Variants in ARL15 observed in about 807,000 individuals in gnomAD.
The protein encoded by ARL15 is ADP-ribosylation factor-like protein 15.
In ARL15, 19 loss-of-function variants were observed where a neutral mutation model predicts 25.2. That is an observed-to-expected ratio of 0.75 (90% confidence interval 0.53 to 1.10). The LOEUF is 1.10. ARL15 is among the 50% of genes least tolerant of loss of function. ARL15 has a pLI of 0.00. For synonymous variants in ARL15, 94 were observed against 86.8 expected (o/e 1.08, Z -0.46); for missense variants, 220 against 246.0 (o/e 0.89, Z 0.71).
chr5:54,110,978 A>G (rs1031971321), intron 4 of ARL15, among the ~76,000 whole-genome samples: 1 of 152,060 alleles, frequency 6.6e-6, no homozygotes, highest in African/African-American at 2.4e-5. Flanking sequence ...GGAAAAATCT[A>G]GGATATATCC....
chr5:53,949,413 G>T (rs1746871359), intron 4 of ARL15, among the ~76,000 whole-genome samples: 1 of 152,162 alleles, frequency 6.6e-6, no homozygotes, highest in Non-Finnish European at 1.5e-5. Flanking sequence ...CTAAAAAGTT[G>T]CTGTGTTTAA....
At chr5:54,168,611 C>A (rs907046957) in intron 2 of ARL15, among the ~76,000 whole-genome samples, 2 of 151,996 alleles carry the variant, frequency 1.3e-5, no homozygotes, top group African/African-American at 4.8e-5. Flanking sequence ...TAGATCCCAA[C>A]ATCCCCTAAA....
intron 4 of ARL15, among the ~76,000 whole-genome samples, chr5:54,004,092 C>T (rs1748939745): frequency 6.6e-6 from 1 of 152,214 alleles, no homozygotes; most frequent in South Asian, 2.1e-4. Context: ...TCCTTGCCAT[C>T]GCTTTGCCAC....
intron 4 of ARL15, among the ~76,000 whole-genome samples, chr5:54,055,734 TTC>T (rs1750849334): frequency 6.6e-6 from 1 of 152,148 alleles, no homozygotes; most frequent in African/African-American, 2.4e-5. Flanking sequence ...ATCCAGTTTC[TTC>T]TGTCATTGCT....
intron 4 of ARL15, among the ~76,000 whole-genome samples, chr5:54,107,753 T>A (rs1264597177): frequency 6.6e-6 from 1 of 152,180 alleles, no homozygotes; most frequent in East Asian, 1.9e-4. Context: ...AAAGAGAACA[T>A]AATAAATTAC....
chr5:54,118,768 A>C (rs911848168), intron 3 of ARL15, among the ~76,000 whole-genome samples: 1 of 152,188 alleles, frequency 6.6e-6, no homozygotes, highest in Non-Finnish European at 1.5e-5. Context: ...CCCAGTGATC[A>C]GATACTTGAA....
chr5:54,171,974 G>T (rs1216078985), intron 1 of ARL15, 46 bp from the exon 2 acceptor site: 2 of 1,589,312 alleles, frequency 1.3e-6, no homozygotes, highest in Admixed American at 1.7e-5. Context: ...TGACAGTATG[G>T]AAATAAACCA....
intron 1 of ARL15, among the ~76,000 whole-genome samples, chr5:54,305,739 A>C (rs1314674663): frequency 6.6e-6 from 1 of 152,238 alleles, no homozygotes; most frequent in Non-Finnish European, 1.5e-5. Context: ...AGTTATATGA[A>C]TGTGGTCTCT....
chr5:53,997,897 T>C (rs1748733058), intron 4 of ARL15, among the ~76,000 whole-genome samples: 1 of 152,140 alleles, frequency 6.6e-6, no homozygotes, highest in Non-Finnish European at 1.5e-5. Context: ...ATGTAAACTT[T>C]GCAAAAATTT....
At chr5:54,199,628 A>C (rs1404281760) in intron 1 of ARL15, among the ~76,000 whole-genome samples, 1 of 151,606 alleles carries the variant, frequency 6.6e-6, no homozygotes, top group African/African-American at 2.4e-5. Context: ...GGCAGTCATT[A>C]AAAAGTCAGG....
chr5:54,102,628 GCA>G (rs1326334950), intron 4 of ARL15, among the ~76,000 whole-genome samples: 1 of 151,996 alleles, frequency 6.6e-6, no homozygotes, highest in African/African-American at 2.4e-5. Flanking sequence ...TTCTTTCATA[GCA>G]CAGTTAACAA....
At chr5:54,010,262 A>AT (rs1240079631) in intron 4 of ARL15, among the ~76,000 whole-genome samples, 1 of 152,240 alleles carries the variant, frequency 6.6e-6, no homozygotes, top group Non-Finnish European at 1.5e-5. Flanking sequence ...TAATTACTTT[A>AT]TAAGTGTCAA....
intron 1 of ARL15, among the ~76,000 whole-genome samples, chr5:54,293,867 T>A (rs538975186): frequency 1.3e-4 from 20 of 152,272 alleles, no homozygotes; most frequent in African/African-American, 4.3e-4. Flanking sequence ...TCTCACTCTG[T>A]CGCCAGGCTG....
intron 1 of ARL15, chr5:54,282,551 T>C (rs1031883264): frequency 2.2e-5 from 22 of 985,222 alleles, no homozygotes; most frequent in Non-Finnish European, 2.5e-5. Flanking sequence ...GTAAGGCAGA[T>C]ACTTTGTCCT....
At chr5:53,929,095 C>T (rs190894364) in intron 4 of ARL15, among the ~76,000 whole-genome samples, 85 of 150,752 alleles carry the variant, frequency 5.6e-4, no homozygotes, top group African/African-American at 2.0e-3. Context: ...TAGAGGGAAA[C>T]GATTCCATTA....
intron 4 of ARL15, among the ~76,000 whole-genome samples, chr5:54,045,890 T>C (rs570806032): frequency 2.0e-5 from 3 of 152,370 alleles, no homozygotes; most frequent in African/African-American, 7.2e-5. Flanking sequence ...TCACCTTCAA[T>C]TGCTCTTAGT....
intron 1 of ARL15, among the ~76,000 whole-genome samples, chr5:54,281,201 A>AGTAC (rs1758056137): frequency 6.6e-6 from 1 of 152,014 alleles, no homozygotes; most frequent in South Asian, 2.1e-4. Flanking sequence ...GTGCAGTGGT[A>AGTAC]CGATCTCGGC....
intron 4 of ARL15, among the ~76,000 whole-genome samples, chr5:53,940,588 C>G (rs1580101037): frequency 6.6e-6 from 1 of 152,020 alleles, no homozygotes; most frequent in Admixed American, 6.5e-5. Flanking sequence ...ACCTTAAATG[C>G]CCACAGGTTA....
At chr5:54,184,261 C>CAAAAAAAAAAAAAAAAAAAAAAAAT (rs201681698) in intron 1 of ARL15, among the ~76,000 whole-genome samples, 1 of 117,054 alleles carries the variant, frequency 8.5e-6, no homozygotes, top group Non-Finnish European at 1.7e-5. Context: ...AAAAAAAAAT[C>CAAAAAAAAAAAAAAAAAAAAAAAAT]AAAAAAAAAA....
Sources: allele counts gnomAD v4.1 joint callset (sites outside exome capture counted in the v4.1 genomes callset), GRCh38; gene constraint gnomAD v4.1.1; transcripts MANE v1.5; gene names NCBI Gene and HGNC (gene_info 2026-07-23, HGNC 2026-07-21).